The following PNISR variants were observed in gnomAD, a reference collection of about 807,000 sequenced individuals.
PNISR encodes PNN interacting serine and arginine rich protein, also known as arginine/serine-rich protein PNISR.
Under a neutral mutation model 93.4 loss-of-function variants are expected in PNISR, and 20 were observed. The ratio of observed to expected loss-of-function variants is 0.21; its 90% CI spans 0.15 to 0.31. The LOEUF (loss-of-function observed/expected upper bound fraction) is 0.31. Ranked by LOEUF, PNISR falls within the 10% of genes least tolerant of loss-of-function variation. The pLI is 1.00. For missense variants in PNISR, 893 were observed against 985.4 expected (o/e 0.91, Z 1.25); for synonymous variants, 305 against 306.5 (o/e 0.99, Z 0.05).
intron 1 of PNISR, among the ~76,000 whole-genome samples, chr6:99,424,187 T>C (rs910939798): frequency 2.0e-5 from 3 of 152,174 alleles, no homozygotes; most frequent in Admixed American, 2.0e-4. Context: ...TGTGATATCC[T>C]AGCTGGCATC....
intron 10 of PNISR, 74 bp from the exon 11 acceptor site, chr6:99,402,784 A>G (rs1775678719): frequency 8.9e-7 from 1 of 1,122,818 alleles, no homozygotes; most frequent in Non-Finnish European, 1.2e-6. Context: ...AGGTCTGAGA[A>G]GAAAGTTCAT....
At chr6:99,404,109 A>AT (rs1450778144) in intron 9 of PNISR, 1 of 514,034 alleles carries the variant, frequency 1.9e-6, no homozygotes, top group African/African-American at 1.9e-5. Context: ...GTTGACAGGT[A>AT]TATCTGTATG....
intron 8 of PNISR, 79 bp from the exon 9 acceptor site, chr6:99,404,781 C>T: frequency 1.3e-6 from 1 of 749,348 alleles, no homozygotes. Flanking sequence ...TATTAAAATG[C>T]AAAGCCATTT....
chr6:99,417,498 A>G (rs1332008489), intron 1 of PNISR, among the ~76,000 whole-genome samples: 1 of 152,150 alleles, frequency 6.6e-6, no homozygotes, highest in Non-Finnish European at 1.5e-5. Flanking sequence ...AATCTGTAAA[A>G]CAGAAGACCT....
Position 99,425,239 on chromosome 6 carries a change from G to C in PNISR, c.-136C>G, listed in dbSNP as rs560740585. ...CCCACTCTAGTTCGGGAACACCCTT[G>C]TCGCCGCCGTTCCGGTAACACCTCT... is the stretch of plus-strand genomic sequence containing the variant. On this transcript the variant is annotated 5_prime_UTR_variant, in exon 1 of 12. Coordinates refer to ENST00000369239, the MANE Select transcript of PNISR (RefSeq NM_032870.4). 3.2e-6 allele frequency: 4 copies of C among 1,232,154 alleles called. No homozygotes were observed. The African/African-American group carries it at 4.6e-5, about 14-fold the overall frequency. 76.3% of individuals were successfully genotyped at this position (1,232,154 alleles called of 1,614,324 possible). A position where few individuals can be genotyped will look rare whatever the true frequency, so the allele number is the denominator to read the frequency against.
intron 2 of PNISR, 100 bp from the exon 3 acceptor site, chr6:99,414,790 A>C: frequency 1.8e-6 from 1 of 543,966 alleles, no homozygotes; most frequent in East Asian, 3.4e-5. Flanking sequence ...ATTTCATCAG[A>C]GGTCTAAAAT....
Position 99,400,397 on chromosome 6 carries a change from T to C in PNISR, c.*143A>G. 2 of 1,202,832 alleles carry C rather than the reference T, an allele frequency of 1.7e-6. No homozygotes were observed. The highest frequency in any genetic ancestry group is 3.0e-5 in the East Asian group (1 of 33,164). The allele number at this position is 1,202,832 out of a possible 1,614,324, so 74.5% of individuals were successfully genotyped here. On this transcript the variant is annotated 3_prime_UTR_variant, in exon 12 of 12. Transcript: ENST00000369239. The stretch of plus-strand genomic sequence containing the variant: ...GCAATTTTAAATAAATAATATTATA[T>C]AGGATTTCTAACATTTAAGACTATG...
At position 99,400,607 on chromosome 6, in the gene PNISR, A is replaced by C. The variant is rs1582751541; in HGVS notation, c.2351T>G (p.Val784Gly). The C allele has an allele frequency of 6.2e-7, 1 of 1,614,054 alleles. No individual in the cohort carries two copies. Among genetic ancestry groups the C allele is most frequent in the South Asian group, 1.1e-5 (1 of 91,082 alleles). The change falls in exon 12 of 12, where the codon GTG (valine) becomes GGG (glycine). Residue 784 changes from valine (V) to glycine (G), a missense_variant. Physicochemically the swap from Val to Gly is moderately radical, Grantham distance 109. Coordinates refer to ENST00000369239, the MANE Select transcript of PNISR (RefSeq NM_032870.4). ...KKPKHSRSRS[V>G]EKSQRSGKKA... Reference sequence around the variant, plus strand: ...CTTACCAGACCTTTGAGATTTCTCCACGGATCGCGATCGACTATGTTTAGG... The same window carrying C: ...CTTACCAGACCTTTGAGATTTCTCCCCGGATCGCGATCGACTATGTTTAGG...
chr6:99,418,572 A>G (rs1028640083), intron 1 of PNISR, among the ~76,000 whole-genome samples: 5 of 152,018 alleles, frequency 3.3e-5, no homozygotes, highest in African/African-American at 1.2e-4. Context: ...CTTTTGCTAT[A>G]TTTTTAGAAG....
intron 4 of PNISR, 45 bp downstream of exon 4, chr6:99,412,504 TTC>T (rs1777072519): frequency 1.5e-6 from 2 of 1,313,558 alleles, no homozygotes; most frequent in Non-Finnish European, 1.1e-6. Flanking sequence ...ATAATCTTCA[TTC>T]TGTTTTTTAA....
In PNISR at chr6:99,407,380, T is replaced by C. The variant is rs1776298965; in HGVS notation, c.864+701A>G. 2.0e-5 allele frequency among the ~76,000 whole-genome samples: 3 copies of C among 152,030 alleles called. No individual in the cohort carries two copies. In the South Asian group the frequency reaches 6.2e-4, roughly 32 times the overall value. On this transcript the variant is annotated intron_variant, in intron 7 of 11. Coordinates refer to ENST00000369239, the MANE Select transcript of PNISR (RefSeq NM_032870.4). ...AGTAACCTTTAGCAGTGTCTTTCTG[T>C]TGCTTCTTATTTTTGTTATTTAACA...
chr6:99,416,466 T>C lies in PNISR; in HGVS notation c.-111-38A>G, dbSNP rs370869017. On this transcript the variant is annotated intron_variant, in intron 1 of 11. Coordinates refer to ENST00000369239, the MANE Select transcript of PNISR (RefSeq NM_032870.4). The stretch of plus-strand genomic sequence containing the variant: ...AAAGTAGATGTCTGCTTATAGATTA[T>C]CATGATTCACATAAAAATAAATTCT... 15 of 670,114 alleles carry C rather than the reference T, an allele frequency of 2.2e-5. No individual in the cohort carries two copies. The East Asian group carries it at 5.2e-4, about 23-fold the overall frequency. 41.5% of individuals were successfully genotyped at this position (670,114 alleles called of 1,614,324 possible). A position where few individuals can be genotyped will look rare whatever the true frequency, so the allele number is the denominator to read the frequency against.
intron 5 of PNISR, 176 bp from the exon 6 acceptor site, chr6:99,409,520 T>A: frequency 1.9e-6 from 1 of 521,706 alleles, no homozygotes; most frequent in Non-Finnish European, 3.2e-6. Context: ...TTACTTGTCT[T>A]AAGATTTTCC....
At chr6:99,414,482 T>C in intron 3 of PNISR, 90 bp downstream of exon 3, 2 of 606,424 alleles carry the variant, frequency 3.3e-6, no homozygotes, top group Non-Finnish European at 5.9e-6. Context: ...TACACCAATC[T>C]CAATTCCATA....
chr6:99,423,701 C>A (rs1235262715), intron 1 of PNISR, among the ~76,000 whole-genome samples: 1 of 152,184 alleles, frequency 6.6e-6, no homozygotes, highest in African/African-American at 2.4e-5. Flanking sequence ...CTACAATATA[C>A]CTGACCATAC....
At chr6:99,409,959 G>A (rs1018969641) in intron 5 of PNISR, 3 of 152,334 alleles carry the variant, frequency 2.0e-5, no homozygotes, top group African/African-American at 4.8e-5. Context: ...TGTTGTATCT[G>A]TATACCAAGT....
In PNISR at chr6:99,410,368, A is replaced by G. The variant is rs1050487856; in HGVS notation, c.501+373T>C. 14 of 179,206 alleles carry G rather than the reference A, an allele frequency of 7.8e-5. No individual in the cohort carries two copies. In the South Asian group the frequency reaches 1.3e-3, roughly 17 times the overall value. The allele number at this position is 179,206 out of a possible 1,614,324, so 11.1% of individuals were successfully genotyped here. A position where few individuals can be genotyped will look rare whatever the true frequency, so the allele number is the denominator to read the frequency against. On this transcript the variant is annotated intron_variant, in intron 5 of 11. Coordinates refer to ENST00000369239, the MANE Select transcript of PNISR (RefSeq NM_032870.4). ...GGAATTACACTTAGGAAAATGATCT[A>G]TATTTTTTATTCATGTCTTAACCAT...
intron 1 of PNISR, among the ~76,000 whole-genome samples, chr6:99,421,927 G>A (rs1185230603): frequency 6.6e-6 from 1 of 152,136 alleles, no homozygotes; most frequent in Non-Finnish European, 1.5e-5. Context: ...ATGCAGCAGT[G>A]TGATCTCGGC....
chr6:99,423,844 G>A (rs902965863), intron 1 of PNISR, among the ~76,000 whole-genome samples: 4 of 152,098 alleles, frequency 2.6e-5, no homozygotes, highest in African/African-American at 9.7e-5. Flanking sequence ...AGCTCTATGG[G>A]GTTGATTTCA....
Sources: allele counts gnomAD v4.1 joint callset (sites outside exome capture counted in the v4.1 genomes callset), GRCh38; gene constraint gnomAD v4.1.1; transcripts MANE v1.5; gene names NCBI Gene and HGNC (gene_info 2026-07-23, HGNC 2026-07-21).